Variants in CADPS2 observed in about 807,000 individuals in gnomAD.
CADPS2 encodes the protein calcium dependent secretion activator 2.
Under a neutral mutation model 172.5 loss-of-function variants are expected in CADPS2, and 93 were observed. The ratio of observed to expected loss-of-function variants is 0.54; its 90% confidence interval spans 0.46 to 0.64. The LOEUF (loss-of-function observed/expected upper bound fraction) is 0.64. Ranked by LOEUF, CADPS2 falls within the 30% of genes least tolerant of loss-of-function variation. The probability of loss-of-function intolerance (pLI) is 0.00; values close to 1 mark genes in which losing one functional copy is unlikely to be tolerated. For synonymous variants in CADPS2, 546 were observed against 555.2 expected, an observed-to-expected ratio of 0.98 and a Z score of 0.23; for missense variants, 1,420 against 1,565.9, an observed-to-expected ratio of 0.91 and a Z score of 1.57.
intron 1 of CADPS2, among the ~76,000 whole-genome samples, chr7:122,759,726 A>G (rs2093310746): frequency 6.6e-6 from 1 of 152,164 alleles, no homozygotes; most frequent in Admixed American, 6.6e-5. Flanking sequence ...TCTTGCCCAG[A>G]CCTTTGCTAT....
chr7:122,338,803 C>T (rs1038985287), intron 28 of CADPS2: 4 of 152,138 alleles, frequency 2.6e-5, no homozygotes, highest in Non-Finnish European at 2.9e-5. Flanking sequence ...GCTCTGTCAC[C>T]TAGGCTGTAG....
At chr7:122,634,819 T>C (rs1160771158) in intron 3 of CADPS2, among the ~76,000 whole-genome samples, 1 of 152,168 alleles carries the variant, frequency 6.6e-6, no homozygotes, top group African/African-American at 2.4e-5. Context: ...AACACTGCTT[T>C]AGCGGCATCC....
intron 9 of CADPS2, among the ~76,000 whole-genome samples, chr7:122,496,582 T>G (rs1563510473): frequency 6.6e-6 from 1 of 152,308 alleles, no homozygotes; most frequent in South Asian, 2.1e-4. Flanking sequence ...TTTTTATGAG[T>G]TCTGTTCCAA....
intron 1 of CADPS2, among the ~76,000 whole-genome samples, chr7:122,833,031 A>G (rs1435894600): frequency 6.6e-6 from 1 of 152,208 alleles, no homozygotes; most frequent in Non-Finnish European, 1.5e-5. Flanking sequence ...ATTGTGAGAA[A>G]CAATCATCTA....
At chr7:122,750,708 C>T (rs911845608) in intron 1 of CADPS2, among the ~76,000 whole-genome samples, 1 of 152,108 alleles carries the variant, frequency 6.6e-6, no homozygotes, top group Non-Finnish European at 1.5e-5. Flanking sequence ...GTGAACAAAT[C>T]CCAAAGCCAG....
chr7:122,371,947 C>G (rs1328277022), intron 25 of CADPS2, among the ~76,000 whole-genome samples: 1 of 151,936 alleles, frequency 6.6e-6, no homozygotes, highest in Non-Finnish European at 1.5e-5. Flanking sequence ...GTACAGAAAG[C>G]AACTGGAAAT....
intron 2 of CADPS2, among the ~76,000 whole-genome samples, chr7:122,726,694 G>C (rs971418640): frequency 6.8e-6 from 1 of 146,394 alleles, no homozygotes; most frequent in Non-Finnish European, 1.5e-5. Context: ...AGGGAAATGG[G>C]ATTATTTACT....
At position 122,400,832 on chromosome 7, in the gene CADPS2, A is replaced by G. The variant is rs75704010; in HGVS notation, c.2746+6708T>C. 5.8e-3 allele frequency among the ~76,000 whole-genome samples: 884 copies of G among 152,350 alleles called. 3 individuals carry two copies. Among genetic ancestry groups the G allele is most frequent in the South Asian group, 0.036 (176 of 4,826 alleles). ...AACAGCTCATTTAAGCACTTGAAAG[A>G]GAATAACACGCAGGTGTCAGCCTTC... On this transcript the variant is annotated intron_variant, in intron 20 of 29. Transcript: ENST00000449022.
chr7:122,542,821 AG>A (rs1296518300), intron 8 of CADPS2, among the ~76,000 whole-genome samples: 1 of 152,060 alleles, frequency 6.6e-6, no homozygotes, highest in African/African-American at 2.4e-5. Context: ...ATTTCATAAG[AG>A]GAGTTAAGCC....
intron 2 of CADPS2, chr7:122,676,522 T>A: frequency 2.0e-6 from 1 of 507,988 alleles, no homozygotes; most frequent in Non-Finnish European, 3.4e-6. Flanking sequence ...TGCAATACAA[T>A]AAGCTTATGT....
intron 14 of CADPS2, among the ~76,000 whole-genome samples, chr7:122,462,511 T>C (rs1224376433): frequency 6.6e-6 from 1 of 152,234 alleles, no homozygotes; most frequent in Non-Finnish European, 1.5e-5. Context: ...GATTTACTTT[T>C]ATTAATATGT....
intron 2 of CADPS2, among the ~76,000 whole-genome samples, chr7:122,709,351 A>T (rs1022534936): frequency 3.3e-5 from 5 of 152,098 alleles, no homozygotes; most frequent in African/African-American, 9.7e-5. Flanking sequence ...TCAAAACCAC[A>T]ATGAGATACC....
intron 12 of CADPS2, chr7:122,480,132 C>T (rs1177262280): frequency 1.3e-5 from 6 of 471,158 alleles, no homozygotes. Context: ...TTACCAGCCT[C>T]TTCCCCACCC....
chr7:122,580,176 G>A (rs544696239), intron 7 of CADPS2, among the ~76,000 whole-genome samples: 9 of 151,852 alleles, frequency 5.9e-5, no homozygotes, highest in Non-Finnish European at 1.0e-4. Context: ...TACAGAGGGC[G>A]GGTGTTGGTG....
chr7:122,490,362 A>G, intron 10 of CADPS2, 81 bp from the exon 11 acceptor site: 5 of 1,056,374 alleles, frequency 4.7e-6, no homozygotes. Flanking sequence ...GACCTCATGG[A>G]AAAGAATGGC....
At chr7:122,552,014 A>G (rs1361658944) in intron 8 of CADPS2, among the ~76,000 whole-genome samples, 1 of 152,208 alleles carries the variant, frequency 6.6e-6, no homozygotes, top group African/African-American at 2.4e-5. Context: ...ACACAGGTGT[A>G]TTATTCAAAA....
At chr7:122,519,005 T>A in intron 8 of CADPS2, among the ~76,000 whole-genome samples, 1 of 151,584 alleles carries the variant, frequency 6.6e-6, no homozygotes, top group Admixed American at 6.6e-5. Context: ...CAGAAATATA[T>A]GGAAAAACAA....
At chr7:122,399,613 T>C (rs1234368373) in intron 20 of CADPS2, among the ~76,000 whole-genome samples, 3 of 150,116 alleles carry the variant, frequency 2.0e-5, no homozygotes, top group Admixed American at 1.3e-4. Flanking sequence ...ATGGGAATGA[T>C]TGAGTACAGC....
chr7:122,460,090 A>C (rs1207695807), intron 14 of CADPS2, among the ~76,000 whole-genome samples: 1 of 152,192 alleles, frequency 6.6e-6, no homozygotes, highest in Non-Finnish European at 1.5e-5. Flanking sequence ...AGATGTCCAA[A>C]TAATTTTTTA....
Sources: allele counts gnomAD v4.1 joint callset (sites outside exome capture counted in the v4.1 genomes callset), GRCh38; gene constraint gnomAD v4.1.1; transcripts MANE v1.5; gene names NCBI Gene and HGNC (gene_info 2026-07-23, HGNC 2026-07-21).